NUMBL: variants seen among roughly 807,000 people sequenced by gnomAD.
NUMBL encodes NUMB like endocytic adaptor protein.
In NUMBL, 20 loss-of-function variants were observed where a neutral mutation model predicts 48.9. The observed-to-expected ratio is 0.41, with a 90% CI of 0.29 to 0.59. The LOEUF is 0.59. NUMBL is among the 20% of genes least tolerant of loss of function. The probability of loss-of-function intolerance (pLI) is 0.31; values close to 1 mark genes in which losing one functional copy is unlikely to be tolerated. For missense variants in NUMBL, 660 were observed against 846.2 expected, an observed-to-expected ratio of 0.78 and a Z score of 2.73; for synonymous variants, 340 against 348.7, an observed-to-expected ratio of 0.98 and a Z score of 0.28.
Position 40,677,325 on chromosome 19 carries a change from C to T in NUMBL, c.637G>A (p.Asp213Asn). The T allele has an allele frequency of 1.9e-6, 3 of 1,611,792 alleles. No individual in the cohort carries two copies. Among genetic ancestry groups the T allele is most frequent in the Non-Finnish European group, 2.5e-6 (3 of 1,179,780 alleles). The stretch of plus-strand genomic sequence containing the variant: ...CGGGCGAAGCTGGTGCGGCTGGCAT[C>T]GAAGGCGGCCGTGACCCCACATTCC... ...EKECGVTAAFDASRTSFAREG... is the reference protein window; with the variant it reads ...EKECGVTAAFNASRTSFAREG... Residue 213 changes from aspartate (D) to asparagine (N), a missense_variant, in exon 7 of 10, where the codon GAT becomes AAT. By Grantham distance (23) the Asp-to-Asn change is conservative. This residue lies in a region of NUMBL where 278 missense variants were observed against 420.6 expected (regional missense o/e 0.66). Coordinates refer to ENST00000252891, the MANE Select transcript of NUMBL (RefSeq NM_004756.5).
At chr19:40,668,671 G>A (rs981867168) in intron 9 of NUMBL, among the ~76,000 whole-genome samples, 1 of 152,060 alleles carries the variant, frequency 6.6e-6, no homozygotes, top group African/African-American at 2.4e-5. Context: ...TGTTGCCCAG[G>A]CTGGACTCGA....
At chr19:40,685,554 T>C (rs537578870) in intron 2 of NUMBL, 1 of 153,860 alleles carries the variant, frequency 6.5e-6, no homozygotes, top group Non-Finnish European at 1.5e-5. Flanking sequence ...AGGGCATCGA[T>C]GTCTGAGAGT....
Position 40,667,821 on chromosome 19 carries a change from C to G in NUMBL, c.1477G>C (p.Ala493Pro), listed in dbSNP as rs375867164. 6.3e-7 allele frequency: 1 copy of G among 1,587,386 alleles called. No homozygotes were observed. Among genetic ancestry groups the G allele is most frequent in the African/African-American group, 1.3e-5 (1 of 74,434 alleles). ...PPHMQPPFVP[A>P]YPGLGYPPMP... is the part of the protein sequence containing the mutation. Reference sequence around the variant, plus strand: ...GGTGGGTAGCCCAAGCCCGGGTAGGCGGGCACAAAAGGGGGCTGCATGTGT... The same window carrying G: ...GGTGGGTAGCCCAAGCCCGGGTAGGGGGGCACAAAAGGGGGCTGCATGTGT... The change falls in exon 10 of 10, where the codon GCC becomes CCC. Residue 493 changes from alanine to proline, a missense_variant. By Grantham distance (27) the Ala-to-Pro change is conservative. This residue lies in a region of NUMBL where 296 missense variants were observed against 339.7 expected (regional missense o/e 0.87). Coordinates refer to ENST00000252891, the MANE Select transcript of NUMBL (RefSeq NM_004756.5). The surrounding 1 kb of genome is among the most constrained non-coding windows in gnomAD (Gnocchi z 6.1).
chr19:40,684,227 C>T lies in NUMBL; in HGVS notation c.249+190G>A, dbSNP rs1019472742. On this transcript the variant is annotated intron_variant, in intron 3 of 9. Transcript: ENST00000252891. ...GGGACTACAGGCGCCCGCCACCACG[C>T]GAGGCTAATTTGTTGTATTTCTAGT... is the stretch of plus-strand genomic sequence containing the variant. 29 of 606,514 alleles carry T rather than the reference C, an allele frequency of 4.8e-5. No homozygotes were observed. In the East Asian group the frequency reaches 8.4e-4, roughly 17 times the overall value. The allele number at this position is 606,514 out of a possible 1,614,324, so 37.6% of individuals were successfully genotyped here.
chr19:40,672,366 T>C (rs979475219), intron 8 of NUMBL, among the ~76,000 whole-genome samples: 9 of 152,210 alleles, frequency 5.9e-5, no homozygotes, highest in Admixed American at 4.6e-4. Context: ...TAACTCCATC[T>C]TCCCTCCAAG....
intron 7 of NUMBL, among the ~76,000 whole-genome samples, chr19:40,675,142 CAAAAAAA>C (rs71334931): frequency 0.076 from 2,264 of 29,670 alleles, 34 homozygotes; most frequent in Non-Finnish European, 0.1. Context: ...GACTCTGTCT[CAAAAAAA>C]AAAAAAAAAA....
rs987619291 is a variant in NUMBL at position 40,666,157 on chromosome 19, T to G, written c.*1311A>C. The G allele has an allele frequency of 7.4e-5, 8 of 107,722 alleles. No homozygotes were observed. The highest frequency in any genetic ancestry group is 2.6e-4 in the Admixed American group (3 of 11,712). 6.7% of individuals were successfully genotyped at this position (107,722 alleles called of 1,614,324 possible). ...AGAAGTAGTTTTTTTTTTTTTGTTT[T>G]TTTTTTTTGAGACAGAGTCTCATTC... On this transcript the variant is annotated 3_prime_UTR_variant, in exon 10 of 10. Transcript: ENST00000252891.
At chr19:40,675,953 C>T (rs575912596) in intron 7 of NUMBL, among the ~76,000 whole-genome samples, 47 of 151,940 alleles carry the variant, frequency 3.1e-4, no homozygotes, top group Non-Finnish European at 6.5e-4. Flanking sequence ...GCAGCCTCTA[C>T]CTCCTGGGCC....
chr19:40,677,023 A>G lies in NUMBL; in HGVS notation c.730+209T>C, dbSNP rs1230110638. On this transcript the variant is annotated intron_variant, in intron 7 of 9. Transcript: ENST00000252891. ...GAGACGAGGTTTTACCATGTCGCGCAGGCTGGTCTCAAACTTCTGACCTCA... is the reference window on the plus strand; with the variant it reads ...GAGACGAGGTTTTACCATGTCGCGCGGGCTGGTCTCAAACTTCTGACCTCA... Among the ~76,000 whole-genome samples the G allele has an allele frequency of 5.3e-5, 8 of 152,244 alleles. No individual in the cohort carries two copies. In the East Asian group the frequency reaches 1.2e-3, roughly 22 times the overall value.
Position 40,668,132 on chromosome 19 carries a change from G to A in NUMBL, c.1166C>T (p.Ser389Phe). ...GGGCACGGAGGGCTCACCCCAGGCA[G>A]AAGTCCCTGGAGAGAGGAGAGGGAC... ...PGPPPATTGT[S>F]AWGEPSVPPA... is the part of the protein sequence containing the mutation. The change falls in exon 10 of 10, where the codon TCT becomes TTT. Residue 389 changes from serine to phenylalanine, a missense_variant. Physicochemically the swap from Ser to Phe is radical, Grantham distance 155 (BLOSUM62 -2). Transcript: ENST00000252891. 6.3e-7 allele frequency: 1 copy of A among 1,596,568 alleles called. No homozygotes were observed. The highest frequency in any genetic ancestry group is 8.5e-7 in the Non-Finnish European group (1 of 1,171,116).
intron 3 of NUMBL, among the ~76,000 whole-genome samples, chr19:40,683,257 C>T (rs367736306): frequency 7.2e-4 from 110 of 152,276 alleles, no homozygotes; most frequent in Middle Eastern, 3.4e-3. Context: ...CATCTCTGTG[C>T]GTGAGGACTG....
chr19:40,684,420 G>T lies in NUMBL; in HGVS notation c.246C>A (p.Val82=). Residue 82 remains valine, a synonymous_variant, in exon 3 of 10, where the codon GTC becomes GTA. Transcript: ENST00000252891. ...GCACCCTGCCGCGCCCACTCACCCT[G>T]ACCGGGAAGCTGCACGTGCCCTTCC... ...AVRKGTCSFP[V]RYLGHVEVEE... 6.4e-7 allele frequency: 1 copy of T among 1,563,376 alleles called. No individual in the cohort carries two copies. Among genetic ancestry groups the T allele is most frequent in the South Asian group, 1.2e-5 (1 of 85,836 alleles).
intron 2 of NUMBL, 139 bp downstream of exon 2, chr19:40,686,772 A>C: frequency 1.6e-6 from 1 of 634,212 alleles, no homozygotes; most frequent in Non-Finnish European, 2.8e-6. Flanking sequence ...GGGCTCTGAC[A>C]GTCGCTGAGG....
Position 40,687,104 on chromosome 19 carries a change from T to C in NUMBL, c.25-109A>G. 1.6e-6 allele frequency: 1 copy of C among 633,800 alleles called. No homozygotes were observed. Among genetic ancestry groups the C allele is most frequent in the Non-Finnish European group, 2.7e-6 (1 of 375,032 alleles). The allele number at this position is 633,800 out of a possible 1,614,324, so 39.3% of individuals were successfully genotyped here. ...CCAGCCCCCTCCATCTTGGGCTCCC[T>C]GATGAGAGTCCTAGTTGTCCTAGCA... On this transcript the variant is annotated intron_variant, in intron 1 of 9. Coordinates refer to ENST00000252891, the MANE Select transcript of NUMBL (RefSeq NM_004756.5). The surrounding 1 kb of genome is among the most constrained non-coding windows in gnomAD (Gnocchi z 4.6).
rs61756064 is a variant in NUMBL, at chr19:40,682,740, G to A, written c.387C>T (p.Asp129=). The A allele has an allele frequency of 1.3e-4, 215 of 1,614,062 alleles. 4 individuals carry two copies. The South Asian group carries it at 1.8e-3, about 14-fold the overall frequency. The change falls in exon 5 of 10, where the codon GAC becomes GAT. Residue 129 remains aspartate, a synonymous_variant. Transcript: ENST00000252891. This position sits in a 1 kb window ranked among gnomAD's most constrained non-coding sequence, Gnocchi z 4.0. ...WVSADGLRVV[D]DKTKDLLVDQ... is the part of the protein sequence containing the mutation. The stretch of plus-strand genomic sequence containing the variant: ...ACAGGCCTCCTACCTTGGTTTTGTC[G>A]TCCACCACTCGGAGCCCATCGGCTG...
At chr19:40,677,622 G>A (rs1385133850) in intron 6 of NUMBL, among the ~76,000 whole-genome samples, 8 of 152,184 alleles carry the variant, frequency 5.3e-5, no homozygotes, top group Admixed American at 5.2e-4. Context: ...CAATGAGCCT[G>A]TTGTGTGGCT....
chr19:40,677,051 C>T (rs1268529008), intron 7 of NUMBL, among the ~76,000 whole-genome samples, 181 bp downstream of exon 7: 2 of 152,144 alleles, frequency 1.3e-5, no homozygotes, highest in Non-Finnish European at 1.5e-5. Flanking sequence ...TGACCTCAAG[C>T]GATCCGCCCA....
rs879877803 is a variant in NUMBL at position 40,684,445 on chromosome 19, C to T, written c.221G>A (p.Arg74Gln). Residue 74 changes from arginine (R) to glutamine (Q), a missense_variant, in exon 3 of 10, where the codon CGG becomes CAG. This residue lies in a region of NUMBL where 278 missense variants were observed against 420.6 expected (regional missense o/e 0.66). Transcript: ENST00000252891. ...HQWQADEDAV[R>Q]KGTCSFPVRY... is the part of the protein sequence containing the mutation. ...GACCGGGAAGCTGCACGTGCCCTTC[C>T]GCACCGCGTCCTCGTCTGCCTGCCA... 6.3e-6 allele frequency: 10 copies of T among 1,577,080 alleles called. No homozygotes were observed. The highest frequency in any genetic ancestry group is 4.3e-6 in the Non-Finnish European group (5 of 1,164,356).
chr19:40,672,033 G>A (rs905209655), intron 8 of NUMBL, among the ~76,000 whole-genome samples: 1 of 152,148 alleles, frequency 6.6e-6, no homozygotes, highest in Admixed American at 6.5e-5. Context: ...ACCACACCAG[G>A]CTAGTTTTTG....
Sources: allele counts gnomAD v4.1 joint callset (sites outside exome capture counted in the v4.1 genomes callset), GRCh38; gene constraint gnomAD v4.1.1; regional missense constraint gnomAD v4.1.1; non-coding constraint Gnocchi (gnomAD v3.1); transcripts MANE v1.5; gene names NCBI Gene and HGNC (gene_info 2026-07-23, HGNC 2026-07-21).